Variants in MTUS2 observed in about 807,000 individuals in gnomAD.
MTUS2 encodes the protein microtubule associated scaffold protein 2.
In MTUS2, 40 loss-of-function variants were observed where a neutral mutation model predicts 114.1. The observed-to-expected ratio is 0.35, with a 90% CI of 0.27 to 0.46. The LOEUF is 0.46. MTUS2 is among the 20% of genes least tolerant of loss of function. The probability of loss-of-function intolerance (pLI) is 1.00; values close to 1 mark genes in which losing one functional copy is unlikely to be tolerated. For missense variants in MTUS2, 1,679 were observed against 1,705.4 expected (o/e 0.98, Z 0.27); for synonymous variants, 688 against 672.0 (o/e 1.02, Z -0.37).
At chr13:29,100,028 G>T (rs1440923894) in intron 4 of MTUS2, among the ~76,000 whole-genome samples, 1 of 152,212 alleles carries the variant, frequency 6.6e-6, no homozygotes, top group Non-Finnish European at 1.5e-5. Flanking sequence ...ATAACAGATA[G>T]TGTAAAAAGG....
chr13:28,950,291 T>A (rs1882744057), intron 2 of MTUS2, among the ~76,000 whole-genome samples: 1 of 152,174 alleles, frequency 6.6e-6, no homozygotes, highest in Non-Finnish European at 1.5e-5. Flanking sequence ...TTTAATCAGG[T>A]TATTTGTTTT....
chr13:29,469,279 A>G (rs1880099290), intron 9 of MTUS2, among the ~76,000 whole-genome samples: 1 of 151,876 alleles, frequency 6.6e-6, no homozygotes, highest in South Asian at 2.1e-4. Context: ...ACCCCTTCTA[A>G]TCTCTCTTTA....
chr13:29,009,311 T>C (rs1885736896), intron 2 of MTUS2, among the ~76,000 whole-genome samples: 1 of 151,952 alleles, frequency 6.6e-6, no homozygotes, highest in South Asian at 2.1e-4. Flanking sequence ...TATTGGTACA[T>C]GTGACAATAT....
intron 9 of MTUS2, among the ~76,000 whole-genome samples, chr13:29,464,267 G>A (rs1879733264): frequency 6.6e-6 from 1 of 152,252 alleles, no homozygotes; most frequent in Non-Finnish European, 1.5e-5. Flanking sequence ...GCTGAAGGCG[G>A]AAGCCTGGAA....
In MTUS2 at chr13:29,024,971, C is replaced by A. The variant is rs372396269; in HGVS notation, c.273C>A (p.Gly91=). The A allele has an allele frequency of 6.2e-7, 1 of 1,612,550 alleles. No individual in the cohort carries two copies. The highest frequency in any genetic ancestry group is 1.3e-5 in the African/African-American group (1 of 74,808). The change falls in exon 3 of 16, where the codon GGC becomes GGA. Residue 91 remains glycine, a synonymous_variant. Transcript: ENST00000612955. ...GCTTTGGGAAAGGCTCTCAGGCTGG[C>A]TCTGCCAGCCTGAAAGATTTTAGAC... is the stretch of plus-strand genomic sequence containing the variant. ...LQGFGKGSQA[G]SASLKDFRLS...
chr13:29,480,412 G>A lies in MTUS2; in HGVS notation c.3399+48G>A, dbSNP rs907815452. 3.5e-5 allele frequency: 51 copies of A among 1,462,420 alleles called. No homozygotes were observed. Among genetic ancestry groups the A allele is most frequent in the Non-Finnish European group, 4.3e-5 (48 of 1,103,580 alleles). The allele number at this position is 1,462,420 out of a possible 1,614,324, so 90.6% of individuals were successfully genotyped here. On this transcript the variant is annotated intron_variant, in intron 10 of 15. Transcript: ENST00000612955. This position sits in a 1 kb window ranked among gnomAD's most constrained non-coding sequence, Gnocchi z 4.4. ...GCTCTGCTGTTGGGTGATGCAGGTG[G>A]CGGGCGGCGGGGATCCAGTGCCACA...
intron 2 of MTUS2, among the ~76,000 whole-genome samples, chr13:29,011,104 A>G (rs1330018797): frequency 6.6e-6 from 1 of 152,208 alleles, no homozygotes; most frequent in African/African-American, 2.4e-5. Context: ...TAACTATTTT[A>G]TTTAAAAAAT....
At chr13:28,953,887 T>G (rs1882931249) in intron 2 of MTUS2, among the ~76,000 whole-genome samples, 1 of 152,216 alleles carries the variant, frequency 6.6e-6, no homozygotes, top group Admixed American at 6.5e-5. Flanking sequence ...GCACCATTTA[T>G]TTGAGTCCCA....
At chr13:29,481,199 T>C (rs1307719290) in intron 10 of MTUS2, among the ~76,000 whole-genome samples, 1 of 152,196 alleles carries the variant, frequency 6.6e-6, no homozygotes, top group Non-Finnish European at 1.5e-5. Flanking sequence ...GAAACCTTAC[T>C]GGAGAGGAAA....
intron 8 of MTUS2, chr13:29,428,539 C>T: frequency 1.8e-6 from 1 of 543,374 alleles, no homozygotes; most frequent in Non-Finnish European, 3.1e-6. Context: ...ATTTGCCTCA[C>T]CCTGAGGACT....
At chr13:29,109,502 A>G (rs956916375) in intron 5 of MTUS2, among the ~76,000 whole-genome samples, 1 of 152,226 alleles carries the variant, frequency 6.6e-6, no homozygotes, top group Admixed American at 6.5e-5. Context: ...AGTGGTGAAG[A>G]GTACAGACTC....
rs1900401583 is a variant in MTUS2 at position 29,324,605 on chromosome 13, A to G, written c.2807-8A>G. On this transcript the variant is annotated splice_region_variant and splice_polypyrimidine_tract_variant and intron_variant, in intron 6 of 15. Coordinates refer to ENST00000612955, the MANE Select transcript of MTUS2 (RefSeq NM_001033602.4). Reference sequence around the variant, plus strand: ...TTCTACCTATTTCTCTTTTCCAACTATACACAGGAACAAAGAAAGATGCTC... The same window carrying G: ...TTCTACCTATTTCTCTTTTCCAACTGTACACAGGAACAAAGAAAGATGCTC... The G allele has an allele frequency of 6.4e-7, 1 of 1,563,248 alleles. No homozygotes were observed. Among genetic ancestry groups the G allele is most frequent in the Non-Finnish European group, 8.7e-7 (1 of 1,149,542 alleles).
At chr13:29,300,638 A>G (rs1004235830) in intron 6 of MTUS2, among the ~76,000 whole-genome samples, 2 of 151,878 alleles carry the variant, frequency 1.3e-5, no homozygotes, top group Non-Finnish European at 2.9e-5. Flanking sequence ...TACTAGCTAT[A>G]TTACATTGAA....
chr13:29,302,218 G>C (rs760847940), intron 6 of MTUS2, among the ~76,000 whole-genome samples: 2 of 152,186 alleles, frequency 1.3e-5, no homozygotes, highest in African/African-American at 4.8e-5. Context: ...ATGAAGAAAA[G>C]CTGGGGCTGC....
At chr13:29,157,476 G>T (rs1311290207) in intron 5 of MTUS2, among the ~76,000 whole-genome samples, 10 of 152,142 alleles carry the variant, frequency 6.6e-5, no homozygotes, top group African/African-American at 2.4e-4. Context: ...GCAAGTGGTG[G>T]TAATTCTGTT....
At chr13:29,199,837 T>TG (rs1894864959) in intron 5 of MTUS2, among the ~76,000 whole-genome samples, 2 of 152,200 alleles carry the variant, frequency 1.3e-5, no homozygotes, top group Non-Finnish European at 2.9e-5. Flanking sequence ...CTTTTATCTT[T>TG]GGTAGGCTAT....
At position 29,473,437 on chromosome 13, in the gene MTUS2, T is replaced by C. The variant is rs569710746; in HGVS notation, c.3185-6713T>C. On this transcript the variant is annotated intron_variant, in intron 9 of 15. Transcript: ENST00000612955. ...GCTGAGTGTTCTCCTACTCAATTTA[T>C]GAACTGTGGTTGAAATTAAGCTTGT... is the stretch of plus-strand genomic sequence containing the variant. Among the ~76,000 whole-genome samples, 9 of 152,356 alleles carry C rather than the reference T, an allele frequency of 5.9e-5. No individual in the cohort carries two copies. In the South Asian group the frequency reaches 1.7e-3, roughly 28 times the overall value.
intron 3 of MTUS2, among the ~76,000 whole-genome samples, chr13:29,031,237 G>GGGGTGTGT (rs144071821): frequency 2.4e-5 from 3 of 122,964 alleles, no homozygotes; most frequent in Middle Eastern, 3.9e-3. Context: ...AGAACTAATA[G>GGGGTGTGT]GTGTGTGTGT....
rs144085509 is a variant in MTUS2, at chr13:29,437,324, G to A, written c.3118-2659G>A. On this transcript the variant is annotated intron_variant, in intron 8 of 15. Coordinates refer to ENST00000612955, the MANE Select transcript of MTUS2 (RefSeq NM_001033602.4). The stretch of plus-strand genomic sequence containing the variant: ...CATACTATTTCAATTCTCTGGCTGT[G>A]TTTAGATAATTATTTAGGAACGTGT... Among the ~76,000 whole-genome samples the A allele has an allele frequency of 4.6e-3, 696 of 152,298 alleles. 4 individuals carry two copies. The highest frequency in any genetic ancestry group is 7.4e-3 in the Non-Finnish European group (500 of 68,020).
Sources: gnomAD v4.1 joint callset for allele counts (sites outside exome capture counted in the v4.1 genomes callset) on GRCh38, gnomAD v4.1.1 for gene constraint, Gnocchi (gnomAD v3.1) non-coding constraint, MANE v1.5 for transcripts, NCBI Gene and HGNC (gene_info 2026-07-23, HGNC 2026-07-21) for gene names.